ANK1: variants seen among roughly 807,000 people sequenced by gnomAD.
ANK1 encodes ankyrin 1.
Under a neutral mutation model 210.4 loss-of-function variants are expected in ANK1, and 51 were observed. That is an observed-to-expected ratio of 0.24 (90% confidence interval 0.19 to 0.31). The LOEUF (loss-of-function observed/expected upper bound fraction) is 0.31, where lower values mean the gene tolerates loss of function less well. ANK1 is among the 10% of genes least tolerant of loss of function. ANK1 has a pLI of 1.00. For synonymous variants in ANK1, 967 were observed against 1,025.9 expected (o/e 0.94, Z 1.10); for missense variants, 2,051 against 2,504.4 (o/e 0.82, Z 3.86).
chr8:41,859,071 G>C (rs1449833269), intron 1 of ANK1, among the ~76,000 whole-genome samples: 1 of 152,230 alleles, frequency 6.6e-6, no homozygotes, highest in Non-Finnish European at 1.5e-5. Flanking sequence ...GGAACAGGAC[G>C]CTGAAAGGGG....
At chr8:41,725,722 G>C (rs747585447) in intron 6 of ANK1, 39 bp downstream of exon 6, 4 of 1,589,098 alleles carry the variant, frequency 2.5e-6, no homozygotes, top group African/African-American at 1.3e-5. Flanking sequence ...GCCCACGGGC[G>C]TCCGCGGCCC....
intron 31 of ANK1, among the ~76,000 whole-genome samples, chr8:41,691,861 G>A (rs998834735): frequency 1.3e-5 from 2 of 152,192 alleles, no homozygotes; most frequent in Non-Finnish European, 1.5e-5. Flanking sequence ...AGCACTTTTA[G>A]TTATTTATTT....
upstream of ANK1, among the ~76,000 whole-genome samples, chr8:41,800,082 G>A (rs1230508780): frequency 6.6e-6 from 1 of 152,114 alleles, no homozygotes; most frequent in Non-Finnish European, 1.5e-5. Flanking sequence ...CGCAAAAGCT[G>A]TCCCCACGCT....
intron 1 of ANK1, among the ~76,000 whole-genome samples, chr8:41,863,275 C>T (rs1000087511): frequency 3.3e-5 from 5 of 151,692 alleles, no homozygotes; most frequent in African/African-American, 7.3e-5. Flanking sequence ...AGGAGAATGG[C>T]GTGAACCCAG....
At chr8:41,757,141 C>T (rs1362345183) in intron 2 of ANK1, among the ~76,000 whole-genome samples, 1 of 152,178 alleles carries the variant, frequency 6.6e-6, no homozygotes, top group African/African-American at 2.4e-5. Context: ...TATGAATGGA[C>T]TTAATCCCAT....
chr8:41,860,656 C>T (rs890689710), intron 1 of ANK1, among the ~76,000 whole-genome samples: 11 of 152,218 alleles, frequency 7.2e-5, no homozygotes, highest in Non-Finnish European at 1.5e-4. Flanking sequence ...GGCAAGTGTG[C>T]AGAGCTGAAT....
intron 12 of ANK1, among the ~76,000 whole-genome samples, 185 bp downstream of exon 12, chr8:41,717,419 C>T (rs1827997097): frequency 6.6e-6 from 1 of 152,236 alleles, no homozygotes; most frequent in Non-Finnish European, 1.5e-5. Flanking sequence ...CCAAGGTTTA[C>T]GGATGTGTGA....
intron 1 of ANK1, among the ~76,000 whole-genome samples, chr8:41,846,893 C>T (rs950790180): frequency 6.6e-5 from 10 of 152,282 alleles, no homozygotes; most frequent in Admixed American, 2.6e-4. Flanking sequence ...CCACATGGCC[C>T]GGGAGCCTGA....
chr8:41,709,554 G>A (rs796470651), intron 16 of ANK1, among the ~76,000 whole-genome samples: 4 of 152,376 alleles, frequency 2.6e-5, no homozygotes, highest in African/African-American at 9.6e-5. Flanking sequence ...CATGAAAAGT[G>A]GATAATAGCA....
chr8:41,892,557 C>G (rs1192294615), intron 1 of ANK1, among the ~76,000 whole-genome samples: 1 of 152,160 alleles, frequency 6.6e-6, no homozygotes, highest in Non-Finnish European at 1.5e-5. Flanking sequence ...GTAGCAGAGA[C>G]CCTGCAAGGA....
intron 22 of ANK1, chr8:41,700,368 G>T (rs926986162): frequency 5.2e-6 from 8 of 1,527,816 alleles, no homozygotes; most frequent in Non-Finnish European, 7.2e-6. Context: ...GAGCATCAGG[G>T]TTGCTTAGGG....
At chr8:41,789,859 T>A (rs569856381) in intron 1 of ANK1, among the ~76,000 whole-genome samples, 1 of 152,342 alleles carries the variant, frequency 6.6e-6, no homozygotes, top group South Asian at 2.1e-4. Flanking sequence ...AGTGCTGTGC[T>A]TCTTGTATGG....
At chr8:41,813,495 CT>C (rs1284206923) in intron 1 of ANK1, among the ~76,000 whole-genome samples, 1 of 152,162 alleles carries the variant, frequency 6.6e-6, no homozygotes, top group Non-Finnish European at 1.5e-5. Context: ...CATGGATTTT[CT>C]TACAGTCACC....
chr8:41,873,799 G>C (rs1816023929), intron 1 of ANK1, among the ~76,000 whole-genome samples: 1 of 152,156 alleles, frequency 6.6e-6, no homozygotes, highest in South Asian at 2.1e-4. Context: ...CCCCAGCTTC[G>C]CTACCCTGAG....
chr8:41,826,571 A>C (rs550745735), intron 1 of ANK1, among the ~76,000 whole-genome samples: 10 of 152,286 alleles, frequency 6.6e-5, no homozygotes, highest in African/African-American at 2.2e-4. Context: ...TTCTCCAAAT[A>C]AGGAACAACA....
chr8:41,891,093 G>A (rs1430751958), intron 1 of ANK1, among the ~76,000 whole-genome samples: 1 of 152,170 alleles, frequency 6.6e-6, no homozygotes, highest in Non-Finnish European at 1.5e-5. Context: ...AAGGTTTCTT[G>A]CAGGCGACAG....
chr8:41,665,779 C>T, intron 39 of ANK1: 1 of 163,586 alleles, frequency 6.1e-6, no homozygotes, highest in Non-Finnish European at 1.3e-5. Context: ...TAATTCCTGT[C>T]AGCCCACAGG....
chr8:41,709,034 A>G, intron 16 of ANK1, 59 bp from the exon 17 acceptor site: 1 of 1,602,228 alleles, frequency 6.2e-7, no homozygotes, highest in East Asian at 2.2e-5. Context: ...GACAATATCA[A>G]CACACAAGCA....
chr8:41,780,649 G>A (rs1029554491), intron 1 of ANK1, among the ~76,000 whole-genome samples: 2 of 152,252 alleles, frequency 1.3e-5, no homozygotes, highest in Non-Finnish European at 2.9e-5. Flanking sequence ...GGGAACATGT[G>A]TTCCATGGGC....
Sources: gnomAD v4.1 joint callset for allele counts (sites outside exome capture counted in the v4.1 genomes callset) on GRCh38, gnomAD v4.1.1 for gene constraint, MANE v1.5 for transcripts, NCBI Gene and HGNC (gene_info 2026-07-23, HGNC 2026-07-21) for gene names.